ROBO2: variants seen among roughly 807,000 people sequenced by gnomAD.
ROBO2 encodes the protein roundabout homolog 2.
Under a neutral mutation model 160.8 loss-of-function variants are expected in ROBO2, and 53 were observed. The observed-to-expected ratio is 0.33, with a 90% CI of 0.26 to 0.41. The LOEUF is 0.41. ROBO2 is among the 10% of genes least tolerant of loss of function. ROBO2 has a pLI of 1.00. For synonymous variants in ROBO2, 664 were observed against 611.7 expected (o/e 1.09, Z -1.26); for missense variants, 1,577 against 1,722.4 (o/e 0.92, Z 1.49).
intron 4 of ROBO2, among the ~76,000 whole-genome samples, chr3:77,488,404 A>G (rs1265917303): frequency 2.6e-5 from 4 of 152,154 alleles, no homozygotes; most frequent in African/African-American, 9.7e-5. Flanking sequence ...GACCCTTGAG[A>G]TTTCTTCCCC....
intron 2 of ROBO2, among the ~76,000 whole-genome samples, chr3:76,990,579 C>T (rs1294920834): frequency 3.9e-5 from 6 of 152,098 alleles, no homozygotes; most frequent in Admixed American, 2.0e-4. Context: ...GAGAGGGCTC[C>T]CTCTGGCCCC....
At chr3:77,380,648 TTCTCCCTCTTCCCTCCCTCCCTC>T (rs956661705) in intron 2 of ROBO2, among the ~76,000 whole-genome samples, 5 of 151,804 alleles carry the variant, frequency 3.3e-5, no homozygotes, top group African/African-American at 1.2e-4. Context: ...CCTTCTTTTT[TTCTCCCTCTTCCCTCCCTCCCTC>T]TCTCCCTCCT....
chr3:77,157,028 A>G (rs2078072892), intron 2 of ROBO2, among the ~76,000 whole-genome samples: 1 of 152,060 alleles, frequency 6.6e-6, no homozygotes, highest in Non-Finnish European at 1.5e-5. Context: ...GATGGAGCCC[A>G]GTAATTGGTA....
chr3:76,047,810 C>A (rs1200024661), intron 2 of ROBO2, among the ~76,000 whole-genome samples: 3 of 152,116 alleles, frequency 2.0e-5, no homozygotes, highest in Non-Finnish European at 4.4e-5. Flanking sequence ...ATCTAATAAT[C>A]TAATCTGCAG....
At chr3:76,277,459 G>T (rs1467635145) in intron 2 of ROBO2, among the ~76,000 whole-genome samples, 1 of 151,950 alleles carries the variant, frequency 6.6e-6, no homozygotes, top group African/African-American at 2.4e-5. Context: ...AAGGCATTCT[G>T]CTGGATGGCT....
intron 2 of ROBO2, among the ~76,000 whole-genome samples, chr3:76,294,645 T>C (rs1009337311): frequency 4.6e-5 from 7 of 152,206 alleles, no homozygotes; most frequent in African/African-American, 1.4e-4. Context: ...TGCACAGCAA[T>C]AGTAGAGACA....
At chr3:77,260,621 G>A (rs1237664782) in intron 2 of ROBO2, among the ~76,000 whole-genome samples, 1 of 152,164 alleles carries the variant, frequency 6.6e-6, no homozygotes, top group African/African-American at 2.4e-5. Flanking sequence ...AATTTAGCGT[G>A]TTATATCCAG....
chr3:76,548,369 A>T (rs769186817), intron 2 of ROBO2, among the ~76,000 whole-genome samples: 34 of 152,268 alleles, frequency 2.2e-4, no homozygotes, highest in Non-Finnish European at 4.3e-4. Flanking sequence ...CCCTGGAAAT[A>T]GTATAAAACA....
chr3:76,557,457 C>A (rs1322074792), intron 2 of ROBO2, among the ~76,000 whole-genome samples: 2 of 151,728 alleles, frequency 1.3e-5, no homozygotes, highest in Non-Finnish European at 2.9e-5. Flanking sequence ...CATCTCTATA[C>A]CACTCAAAGG....
intron 2 of ROBO2, among the ~76,000 whole-genome samples, chr3:76,031,700 C>T (rs564042663): frequency 9.2e-5 from 14 of 152,056 alleles, no homozygotes; most frequent in African/African-American, 3.4e-4. Flanking sequence ...GCCTTGCATC[C>T]CAGGGATGAA....
chr3:77,355,183 T>TTCCTCCCATCCGCA (rs2068922200), intron 2 of ROBO2, among the ~76,000 whole-genome samples: 3 of 87,328 alleles, frequency 3.4e-5, no homozygotes, highest in Admixed American at 1.0e-4. Flanking sequence ...TCCCATCCCC[T>TTCCTCCCATCCGCA]TACCCCAGGA....
intron 2 of ROBO2, among the ~76,000 whole-genome samples, chr3:76,261,299 C>G (rs959062359): frequency 2.6e-5 from 4 of 151,358 alleles, no homozygotes; most frequent in African/African-American, 9.7e-5. Context: ...ACCCTTCCTT[C>G]TTTACCTGGA....
chr3:75,993,680 G>C (rs1345344440), intron 2 of ROBO2, among the ~76,000 whole-genome samples: 1 of 152,018 alleles, frequency 6.6e-6, no homozygotes, highest in East Asian at 1.9e-4. Context: ...AGAGTTTCTT[G>C]TCATTAAGCA....
chr3:76,411,400 CAG>C (rs933720559), intron 2 of ROBO2, among the ~76,000 whole-genome samples: 1 of 152,080 alleles, frequency 6.6e-6, no homozygotes, highest in African/African-American at 2.4e-5. Context: ...ATTGAAATAA[CAG>C]ATAATAAAAT....
intron 2 of ROBO2, among the ~76,000 whole-genome samples, chr3:76,204,997 C>A (rs139294771): frequency 0.013 from 2,034 of 152,148 alleles, 22 homozygotes; most frequent in Non-Finnish European, 0.022. Flanking sequence ...TTTTAAAAAT[C>A]TTTATTTGGA....
At chr3:76,525,347 C>G (rs1204601185) in intron 2 of ROBO2, among the ~76,000 whole-genome samples, 1 of 151,816 alleles carries the variant, frequency 6.6e-6, no homozygotes, top group African/African-American at 2.4e-5. Context: ...TATATTTCTT[C>G]TAAATAGCTT....
chr3:76,248,008 T>A (rs1253550714), intron 2 of ROBO2, among the ~76,000 whole-genome samples: 4 of 151,792 alleles, frequency 2.6e-5, no homozygotes, highest in Admixed American at 6.6e-5. Context: ...CTGGAGAGGA[T>A]GTGGAGAAAC....
At chr3:77,342,584 T>G (rs6785980) in intron 2 of ROBO2, among the ~76,000 whole-genome samples, 2 of 151,808 alleles carry the variant, frequency 1.3e-5, no homozygotes, top group Non-Finnish European at 2.9e-5. Flanking sequence ...CCTTAAGGGG[T>G]GCTAGGAGGC....
intron 2 of ROBO2, among the ~76,000 whole-genome samples, chr3:76,155,199 G>T (rs943542524): frequency 6.6e-6 from 1 of 152,002 alleles, no homozygotes; most frequent in East Asian, 1.9e-4. Context: ...TAAAAAATAG[G>T]CCTAAATATT....
Sources: allele counts gnomAD v4.1 joint callset (sites outside exome capture counted in the v4.1 genomes callset), GRCh38; gene constraint gnomAD v4.1.1; transcripts MANE v1.5; gene names NCBI Gene and HGNC (gene_info 2026-07-23, HGNC 2026-07-21).